Variants in CNTN5 observed in about 807,000 individuals in gnomAD.
The protein encoded by CNTN5 is contactin-5.
Under a neutral mutation model 129.1 loss-of-function variants are expected in CNTN5, and 77 were observed. That is an observed-to-expected ratio of 0.60 (90% CI 0.50 to 0.72). The LOEUF (loss-of-function observed/expected upper bound fraction) is 0.72, where lower values mean the gene tolerates loss of function less well. CNTN5 is among the 30% of genes least tolerant of loss of function. The pLI is 0.00. For synonymous variants in CNTN5, 509 were observed against 465.6 expected (o/e 1.09, Z -1.20); for missense variants, 1,478 against 1,328.8 (o/e 1.11, Z -1.75).
chr11:100,132,134 G>A lies in CNTN5; in HGVS notation c.1580+57840G>A, dbSNP rs147374718. Among the ~76,000 whole-genome samples, 35 of 152,226 alleles carry A rather than the reference G, an allele frequency of 2.3e-4. 1 individual carries two copies. In the East Asian group the frequency reaches 6.6e-3, roughly 29 times the overall value. Reference sequence around the variant, plus strand: ...ATTTGGCTTCCTTCAACAATTCTTAGTTGAACTCTGGTTGACCTCATTAGA... The same window carrying A: ...ATTTGGCTTCCTTCAACAATTCTTAATTGAACTCTGGTTGACCTCATTAGA... On this transcript the variant is annotated intron_variant, in intron 13 of 24. Transcript: ENST00000524871.
At chr11:100,291,966 C>T (rs570325295) in intron 18 of CNTN5, among the ~76,000 whole-genome samples, 52 of 151,914 alleles carry the variant, frequency 3.4e-4, no homozygotes, top group African/African-American at 1.3e-3. Context: ...CAAACCTCAG[C>T]CTCAAATAAA....
At chr11:99,680,723 C>G (rs1299667794) in intron 3 of CNTN5, among the ~76,000 whole-genome samples, 2 of 151,500 alleles carry the variant, frequency 1.3e-5, no homozygotes, top group Admixed American at 6.6e-5. Flanking sequence ...AGGTTTTTAC[C>G]TTACTTTGCC....
intron 7 of CNTN5, among the ~76,000 whole-genome samples, chr11:99,927,277 C>T (rs1438926183): frequency 2.6e-5 from 4 of 152,106 alleles, no homozygotes; most frequent in Non-Finnish European, 5.9e-5. Flanking sequence ...AATATTGAAG[C>T]TCAGAGAGCA....
intron 6 of CNTN5, among the ~76,000 whole-genome samples, chr11:99,909,048 T>C (rs1949585450): frequency 6.6e-6 from 1 of 152,070 alleles, no homozygotes; most frequent in Non-Finnish European, 1.5e-5. Context: ...CCTTCCTCTT[T>C]CTCCAGCTGA....
intron 1 of CNTN5, among the ~76,000 whole-genome samples, chr11:99,113,980 A>G (rs1401933248): frequency 6.6e-6 from 1 of 152,132 alleles, no homozygotes; most frequent in East Asian, 1.9e-4. Flanking sequence ...CATCCCTCTC[A>G]TAAGTTACGC....
intron 7 of CNTN5, among the ~76,000 whole-genome samples, chr11:99,946,569 A>G (rs1263890559): frequency 6.6e-6 from 1 of 152,152 alleles, no homozygotes; most frequent in East Asian, 1.9e-4. Flanking sequence ...ACCAAATCCT[A>G]GAAAACTACT....
intron 2 of CNTN5, among the ~76,000 whole-genome samples, chr11:99,347,735 C>G (rs1042587052): frequency 1.4e-4 from 22 of 152,022 alleles, no homozygotes; most frequent in African/African-American, 5.3e-4. Flanking sequence ...TGATATTAGC[C>G]CCGATATTTT....
At chr11:99,749,095 G>A (rs1944150443) in intron 3 of CNTN5, among the ~76,000 whole-genome samples, 1 of 148,686 alleles carries the variant, frequency 6.7e-6, no homozygotes, top group African/African-American at 2.4e-5. Flanking sequence ...GGTGATGTCA[G>A]AAAACTACAG....
intron 6 of CNTN5, among the ~76,000 whole-genome samples, chr11:99,904,446 C>G (rs1949442084): frequency 6.6e-6 from 1 of 152,104 alleles, no homozygotes; most frequent in African/African-American, 2.4e-5. Context: ...CCAGCTTCAT[C>G]CATGTCCCTG....
intron 2 of CNTN5, among the ~76,000 whole-genome samples, chr11:99,437,233 A>G (rs1176430885): frequency 1.3e-5 from 2 of 152,206 alleles, no homozygotes; most frequent in Non-Finnish European, 2.9e-5. Context: ...ATCTTCAATT[A>G]TAAAAATACC....
intron 1 of CNTN5, among the ~76,000 whole-genome samples, chr11:99,166,142 G>A (rs965743544): frequency 3.9e-5 from 6 of 152,078 alleles, no homozygotes; most frequent in Admixed American, 6.6e-5. Flanking sequence ...GATGGCTCAC[G>A]CCTGTAATCC....
chr11:99,824,694 A>G (rs1293563798), intron 4 of CNTN5, among the ~76,000 whole-genome samples: 1 of 151,858 alleles, frequency 6.6e-6, no homozygotes, highest in African/African-American at 2.4e-5. Context: ...CCAAATTTAA[A>G]TTTTGATTTT....
At chr11:99,802,138 G>A (rs1946133200) in intron 3 of CNTN5, among the ~76,000 whole-genome samples, 1 of 152,188 alleles carries the variant, frequency 6.6e-6, no homozygotes, top group African/African-American at 2.4e-5. Context: ...AGAATTTTTT[G>A]TCTGTTCTTC....
At chr11:99,198,984 T>C (rs1859037211) in intron 1 of CNTN5, among the ~76,000 whole-genome samples, 1 of 152,048 alleles carries the variant, frequency 6.6e-6, no homozygotes, top group Non-Finnish European at 1.5e-5. Context: ...AAGTATAAAT[T>C]AATGCACTAA....
At chr11:100,075,508 G>T (rs1944092433) in intron 13 of CNTN5, among the ~76,000 whole-genome samples, 1 of 152,142 alleles carries the variant, frequency 6.6e-6, no homozygotes, top group South Asian at 2.1e-4. Flanking sequence ...AAGACTTAGA[G>T]AAAACTCTTT....
chr11:100,286,952 G>A (rs1273728910), intron 18 of CNTN5, among the ~76,000 whole-genome samples: 1 of 152,134 alleles, frequency 6.6e-6, no homozygotes, highest in African/African-American at 2.4e-5. Context: ...AGAACTACGT[G>A]AAGAATGCAG....
chr11:99,325,925 G>A (rs1249455494), intron 2 of CNTN5, among the ~76,000 whole-genome samples: 2 of 152,166 alleles, frequency 1.3e-5, no homozygotes, highest in South Asian at 2.1e-4. Context: ...AATGCTTAAA[G>A]TTAAATAAGC....
intron 2 of CNTN5, among the ~76,000 whole-genome samples, chr11:99,555,938 T>G (rs1948649574): frequency 6.6e-6 from 1 of 151,722 alleles, no homozygotes; most frequent in African/African-American, 2.4e-5. Flanking sequence ...AAAAGGAGAG[T>G]TGATCACATT....
chr11:99,915,383 A>G (rs1276215478), intron 6 of CNTN5, among the ~76,000 whole-genome samples: 1 of 152,124 alleles, frequency 6.6e-6, no homozygotes, highest in African/African-American at 2.4e-5. Context: ...AGGGAAGGCC[A>G]TTGATCTCCA....
Sources: gnomAD v4.1 joint callset for allele counts (sites outside exome capture counted in the v4.1 genomes callset) on GRCh38, gnomAD v4.1.1 for gene constraint, MANE v1.5 for transcripts, NCBI Gene and HGNC (gene_info 2026-07-23, HGNC 2026-07-21) for gene names.